The following BICRAL variants were observed in gnomAD, a reference collection of about 807,000 sequenced individuals.
BICRAL encodes the protein BRD4-interacting chromatin-remodeling complex-associated protein-like.
A neutral mutation model predicts 91.8 loss-of-function variants in BICRAL; 8 were observed. The observed-to-expected ratio is 0.09, with a 90% CI of 0.05 to 0.16. The LOEUF (loss-of-function observed/expected upper bound fraction) is 0.16. Ranked by LOEUF, BICRAL falls within the 10% of genes least tolerant of loss-of-function variation. The probability of loss-of-function intolerance (pLI) is 1.00; values close to 1 mark genes in which losing one functional copy is unlikely to be tolerated. For synonymous variants in BICRAL, 445 were observed against 491.1 expected (o/e 0.91, Z 1.24); for missense variants, 1,038 against 1,310.9 (o/e 0.79, Z 3.21).
chr6:42,823,040 TTC>T, intron 5 of BICRAL, 37 bp downstream of exon 5: 1 of 1,235,598 alleles, frequency 8.1e-7, no homozygotes, highest in Non-Finnish European at 1.2e-6. Context: ...ATTGAATGGT[TTC>T]TGTCTGATTG....
At position 42,822,925 on chromosome 6, in the gene BICRAL, A is replaced by G; in HGVS notation, c.91-10A>G. The G allele has an allele frequency of 6.2e-7, 1 of 1,602,362 alleles. No homozygotes were observed. The highest frequency in any genetic ancestry group is 8.6e-7 in the Non-Finnish European group (1 of 1,169,482). ...AGTAGTAACCACCTATTGAATTTGT[A>G]TCTTTGCAGAGCAATGATGACTTGA... On this transcript the variant is annotated splice_polypyrimidine_tract_variant and intron_variant, in intron 4 of 12. Coordinates refer to ENST00000314073, the MANE Select transcript of BICRAL (RefSeq NM_001393499.1).
chr6:42,843,950 C>T (rs1020794172), intron 6 of BICRAL, among the ~76,000 whole-genome samples: 15 of 150,366 alleles, frequency 1.0e-4, no homozygotes, highest in Non-Finnish European at 1.9e-4. Context: ...AGGTGCGCGT[C>T]ACCATGCCGG....
At chr6:42,823,403 T>C (rs1401301781) in intron 5 of BICRAL, among the ~76,000 whole-genome samples, 5 of 152,302 alleles carry the variant, frequency 3.3e-5, no homozygotes, top group East Asian at 3.9e-4. Context: ...ATTACAGGTA[T>C]GAGCCACTGT....
At chr6:42,844,045 G>A (rs1275567585) in intron 6 of BICRAL, among the ~76,000 whole-genome samples, 3 of 146,826 alleles carry the variant, frequency 2.0e-5, no homozygotes, top group Non-Finnish European at 4.5e-5. Context: ...CTTGTGATCC[G>A]CCCGCCTCGG....
At chr6:42,747,356 C>T (rs1762295364) in intron 1 of BICRAL, among the ~76,000 whole-genome samples, 1 of 152,168 alleles carries the variant, frequency 6.6e-6, no homozygotes, top group African/African-American at 2.4e-5. Flanking sequence ...TCCTTATATC[C>T]CCAGTTCCCA....
chr6:42,774,695 A>C (rs1181592289), intron 1 of BICRAL, among the ~76,000 whole-genome samples: 1 of 152,174 alleles, frequency 6.6e-6, no homozygotes, highest in Non-Finnish European at 1.5e-5. Flanking sequence ...GGAACTAGTA[A>C]TTGGAAGATT....
At chr6:42,767,968 T>C (rs1762657695) in intron 1 of BICRAL, among the ~76,000 whole-genome samples, 1 of 152,072 alleles carries the variant, frequency 6.6e-6, no homozygotes, top group Non-Finnish European at 1.5e-5. Flanking sequence ...TGGTGGAAGA[T>C]GGGGCTGGAG....
chr6:42,777,096 C>A (rs1418430395), upstream of BICRAL, among the ~76,000 whole-genome samples: 1 of 152,152 alleles, frequency 6.6e-6, no homozygotes, highest in Non-Finnish European at 1.5e-5. Flanking sequence ...CAGGAGGGAA[C>A]ATAAGAGAAA....
At chr6:42,776,449 G>A (rs1197106359) in intron 1 of BICRAL, among the ~76,000 whole-genome samples, 4 of 151,970 alleles carry the variant, frequency 2.6e-5, no homozygotes, top group Admixed American at 6.6e-5. Context: ...CCAGACTCAA[G>A]TGATCCTCCC....
At chr6:42,832,040 A>G (rs1014835423) in intron 6 of BICRAL, among the ~76,000 whole-genome samples, 1 of 151,848 alleles carries the variant, frequency 6.6e-6, no homozygotes, top group African/African-American at 2.4e-5. Flanking sequence ...TGCTCAGCCA[A>G]TATCAATCTT....
chr6:42,795,600 A>G (rs1212873689), intron 1 of BICRAL, among the ~76,000 whole-genome samples: 1 of 152,230 alleles, frequency 6.6e-6, no homozygotes, highest in African/African-American at 2.4e-5. Context: ...TTGACTCTCA[A>G]GCATATCTTT....
intron 4 of BICRAL, 27 bp from the exon 5 acceptor site, chr6:42,822,908 C>A (rs903540754): frequency 2.6e-6 from 4 of 1,549,044 alleles, no homozygotes; most frequent in Admixed American, 1.7e-5. Flanking sequence ...AAAGTAGTAA[C>A]CACCTATTGA....
chr6:42,842,998 C>T (rs1414462920), intron 6 of BICRAL, among the ~76,000 whole-genome samples: 1 of 151,926 alleles, frequency 6.6e-6, no homozygotes, highest in Admixed American at 6.6e-5. Context: ...GGACTACAGG[C>T]GCCCACCATC....
intron 5 of BICRAL, among the ~76,000 whole-genome samples, chr6:42,824,166 G>A (rs1764221149): frequency 6.6e-6 from 1 of 151,870 alleles, no homozygotes; most frequent in Non-Finnish European, 1.5e-5. Context: ...GGGAGTTGGA[G>A]GTTGCAGTGA....
intron 2 of BICRAL, among the ~76,000 whole-genome samples, chr6:42,817,013 C>CAAA (rs368409842): frequency 1.7e-5 from 2 of 115,330 alleles, no homozygotes; most frequent in Non-Finnish European, 1.8e-5. Context: ...GACTCCATCT[C>CAAA]AAAAAAAAAA....
chr6:42,810,987 C>T (rs1169702495), intron 2 of BICRAL, among the ~76,000 whole-genome samples: 3 of 152,098 alleles, frequency 2.0e-5, no homozygotes, highest in Non-Finnish European at 4.4e-5. Flanking sequence ...TACTCTGATC[C>T]TATAATCTCT....
At chr6:42,750,057 G>GT (rs1355435994) in intron 1 of BICRAL, among the ~76,000 whole-genome samples, 2 of 151,798 alleles carry the variant, frequency 1.3e-5, no homozygotes, top group Non-Finnish European at 2.9e-5. Context: ...TAGAGGCGGG[G>GT]TTTCACTATG....
chr6:42,775,231 G>A (rs1012725925), intron 1 of BICRAL, among the ~76,000 whole-genome samples: 3 of 152,166 alleles, frequency 2.0e-5, no homozygotes, highest in Admixed American at 6.5e-5. Flanking sequence ...CACTGCGCCC[G>A]GCCAGAGTAG....
chr6:42,804,400 G>A (rs1202930855), intron 1 of BICRAL, among the ~76,000 whole-genome samples: 1 of 152,198 alleles, frequency 6.6e-6, no homozygotes, highest in Non-Finnish European at 1.5e-5. Flanking sequence ...ATGCATGGCT[G>A]TATTGTCATA....
Sources: gnomAD v4.1 joint callset for allele counts (sites outside exome capture counted in the v4.1 genomes callset) on GRCh38, gnomAD v4.1.1 for gene constraint, MANE v1.5 for transcripts, NCBI Gene and HGNC (gene_info 2026-07-23, HGNC 2026-07-21) for gene names.